Variants in CSMD2 observed in about 807,000 individuals in gnomAD.
The protein encoded by CSMD2 is CUB and Sushi multiple domains 2, also known as CUB and sushi domain-containing protein 2.
Under a neutral mutation model 398.5 loss-of-function variants are expected in CSMD2, and 130 were observed. The ratio of observed to expected loss-of-function variants is 0.33; its 90% CI spans 0.28 to 0.38. The LOEUF is 0.38. Ranked by LOEUF, CSMD2 falls within the 10% of genes least tolerant of loss-of-function variation. CSMD2 has a pLI of 1.00. For missense variants in CSMD2, 3,829 were observed against 4,764.9 expected, an observed-to-expected ratio of 0.80 and a Z score of 5.78; for synonymous variants, 1,828 against 1,908.5, an observed-to-expected ratio of 0.96 and a Z score of 1.10.
chr1:34,028,797 C>T (rs868002109), intron 3 of CSMD2, among the ~76,000 whole-genome samples: 3 of 152,220 alleles, frequency 2.0e-5, no homozygotes, highest in Admixed American at 6.5e-5. Context: ...CCTTCCCTCC[C>T]GTCCAGCTGC....
chr1:33,688,754 T>G (rs1011461509), intron 25 of CSMD2, among the ~76,000 whole-genome samples: 25 of 152,182 alleles, frequency 1.6e-4, no homozygotes, highest in African/African-American at 6.0e-4. Flanking sequence ...AGGTAGGGGT[T>G]GCAGTGAGCT....
In CSMD2 at chr1:33,636,461, T is replaced by C. The variant is rs1283357858; in HGVS notation, c.4868A>G (p.Tyr1623Cys). 6.2e-6 allele frequency: 10 copies of C among 1,613,960 alleles called. No homozygotes were observed. The highest frequency in any genetic ancestry group is 8.5e-6 in the Non-Finnish European group (10 of 1,180,000). The stretch of plus-strand genomic sequence containing the variant: ...CTCAACTTCGTAGCCCCCGTGGCAG[T>C]AGTAGGTGACGGAGGAGCCCAGCTT... ...DLKLGSSVTYYCHGGYEVEGT... is the reference protein window; with the variant it reads ...DLKLGSSVTYCCHGGYEVEGT... Residue 1623 changes from tyrosine to cysteine, a missense_variant, in exon 30 of 71, where the codon TAC (tyrosine) becomes TGC (cysteine). Physicochemically the swap from Tyr to Cys is radical, Grantham distance 194. Coordinates refer to ENST00000373381, the MANE Select transcript of CSMD2 (RefSeq NM_001281956.2). The surrounding 1 kb of genome is among the most constrained non-coding windows in gnomAD (Gnocchi z 4.8).
At chr1:33,544,854 T>TATATATATATATATATATATATACAC (rs1553134872) in intron 57 of CSMD2, among the ~76,000 whole-genome samples, 3 of 93,328 alleles carry the variant, frequency 3.2e-5, no homozygotes, top group African/African-American at 6.5e-5. Context: ...TATATATATA[T>TATATATATATATATATATATATACAC]ACACATATAA....
intron 29 of CSMD2, among the ~76,000 whole-genome samples, chr1:33,643,223 T>C (rs1363321666): frequency 1.3e-5 from 2 of 152,216 alleles, no homozygotes; most frequent in African/African-American, 4.8e-5. Flanking sequence ...TCTCCAGACT[T>C]ACAGGGTGTG....
intron 3 of CSMD2, among the ~76,000 whole-genome samples, chr1:33,961,626 T>G (rs1004704181): frequency 1.8e-4 from 27 of 152,178 alleles, no homozygotes; most frequent in Non-Finnish European, 2.2e-4. Flanking sequence ...GAGAGGTGTT[T>G]GGGTCATGGG....
At chr1:33,800,403 A>T (rs1287865695) in intron 10 of CSMD2, among the ~76,000 whole-genome samples, 1 of 152,212 alleles carries the variant, frequency 6.6e-6, no homozygotes, top group Non-Finnish European at 1.5e-5. Flanking sequence ...AACTTTGGTC[A>T]CTACCTGAGG....
intron 1 of CSMD2, among the ~76,000 whole-genome samples, chr1:34,159,335 CCCCA>C (rs1641104353): frequency 8.6e-5 from 7 of 81,020 alleles, no homozygotes; most frequent in East Asian, 8.7e-4. Flanking sequence ...CCTGCCCCCC[CCCCA>C]CCCAGGAGCT....
At chr1:33,673,418 A>T (rs1166775475) in intron 25 of CSMD2, among the ~76,000 whole-genome samples, 1 of 152,238 alleles carries the variant, frequency 6.6e-6, no homozygotes, top group African/African-American at 2.4e-5. Context: ...AGAAAAAAGA[A>T]TAAAAAGAAA....
At chr1:33,804,553 C>CTT (rs201570810) in intron 10 of CSMD2, among the ~76,000 whole-genome samples, 1 of 146,570 alleles carries the variant, frequency 6.8e-6, no homozygotes. Context: ...TACCTGCACT[C>CTT]TTTTTTTTTT....
At chr1:34,128,536 C>A (rs1346580709) in intron 1 of CSMD2, among the ~76,000 whole-genome samples, 2 of 152,166 alleles carry the variant, frequency 1.3e-5, no homozygotes, top group Non-Finnish European at 2.9e-5. Flanking sequence ...TTCAAAGAAG[C>A]CTGAAGTTCA....
intron 1 of CSMD2, among the ~76,000 whole-genome samples, chr1:34,104,865 C>T (rs545604444): frequency 1.3e-5 from 2 of 152,310 alleles, no homozygotes; most frequent in South Asian, 2.1e-4. Flanking sequence ...ATTTTAGCCC[C>T]TCTCCCCTGC....
chr1:33,717,613 G>A (rs1371335777), intron 19 of CSMD2, among the ~76,000 whole-genome samples: 2 of 151,872 alleles, frequency 1.3e-5, no homozygotes, highest in Admixed American at 6.6e-5. Flanking sequence ...TGGGCCACTG[G>A]AAGGACAGAT....
chr1:34,055,631 G>A (rs1005005122), intron 2 of CSMD2, among the ~76,000 whole-genome samples: 3 of 152,192 alleles, frequency 2.0e-5, no homozygotes, highest in South Asian at 2.1e-4. Flanking sequence ...ATGAAGAGAT[G>A]GAGAGGCCAA....
At chr1:34,048,458 G>A (rs1441715746) in intron 2 of CSMD2, among the ~76,000 whole-genome samples, 1 of 152,172 alleles carries the variant, frequency 6.6e-6, no homozygotes, top group Non-Finnish European at 1.5e-5. Flanking sequence ...AAATATCAGT[G>A]AATGGTCAGC....
chr1:34,103,165 C>G (rs917568630), intron 1 of CSMD2, among the ~76,000 whole-genome samples: 2 of 152,060 alleles, frequency 1.3e-5, no homozygotes, highest in African/African-American at 4.8e-5. Flanking sequence ...TTCTGGGAAC[C>G]CTCAAGACAC....
At chr1:33,569,265 T>C in intron 52 of CSMD2, 109 bp downstream of exon 52, 1 of 1,189,216 alleles carries the variant, frequency 8.4e-7, no homozygotes, top group Non-Finnish European at 1.2e-6. Flanking sequence ...AAGCATTTTA[T>C]GTCAATAGGT....
chr1:34,127,700 G>A (rs1489703206), intron 1 of CSMD2, among the ~76,000 whole-genome samples: 1 of 152,120 alleles, frequency 6.6e-6, no homozygotes, highest in African/African-American at 2.4e-5. Flanking sequence ...TAGTTAAGGG[G>A]TGCTGGGCGT....
rs765047921 is a variant in CSMD2 at position 33,652,433 on chromosome 1, T to C, written c.4476A>G (p.Pro1492=). 3 of 1,614,164 alleles carry C rather than the reference T, an allele frequency of 1.9e-6. No homozygotes were observed. Among genetic ancestry groups the C allele is most frequent in the Non-Finnish European group, 1.7e-6 (2 of 1,180,008 alleles). ...IAPCGGDLTG[P]SGVILSPNYP... ...AATTTGGTGAGAGGATGACTCCAGA[T>C]GGTCCTGTCAGGTCTCCCCCGCAGG... The change falls in exon 28 of 71, where the codon CCA becomes CCG. Residue 1492 remains proline, a synonymous_variant. Coordinates refer to ENST00000373381, the MANE Select transcript of CSMD2 (RefSeq NM_001281956.2).
At chr1:33,881,203 C>T (rs1172107606) in intron 5 of CSMD2, among the ~76,000 whole-genome samples, 2 of 152,208 alleles carry the variant, frequency 1.3e-5, no homozygotes, top group Admixed American at 6.5e-5. Flanking sequence ...GGACAAACTC[C>T]TATTCATTTT....
Sources: allele counts gnomAD v4.1 joint callset (sites outside exome capture counted in the v4.1 genomes callset), GRCh38; gene constraint gnomAD v4.1.1; non-coding constraint Gnocchi (gnomAD v3.1); transcripts MANE v1.5; gene names NCBI Gene and HGNC (gene_info 2026-07-23, HGNC 2026-07-21).